EFCAB14: variants seen among roughly 807,000 people sequenced by gnomAD.
The protein encoded by EFCAB14 is EF-hand calcium binding domain 14, also known as EF-hand calcium-binding domain-containing protein 14.
A neutral mutation model predicts 56.5 loss-of-function variants in EFCAB14; 43 were observed. The observed-to-expected ratio is 0.76, with a 90% CI of 0.60 to 0.98. The LOEUF is 0.98. Among genes scored for constraint, EFCAB14 ranks in the 50% least tolerant of loss-of-function variants. The pLI, the probability that EFCAB14 is intolerant of heterozygous loss-of-function variation, is 0.00. For missense variants in EFCAB14, 538 were observed against 580.3 expected, an observed-to-expected ratio of 0.93 and a Z score of 0.75; for synonymous variants, 235 against 212.9, an observed-to-expected ratio of 1.10 and a Z score of -0.90.
intron 5 of EFCAB14, among the ~76,000 whole-genome samples, chr1:46,689,941 A>G (rs577859922): frequency 2.6e-5 from 4 of 152,256 alleles, no homozygotes; most frequent in Admixed American, 6.5e-5. Context: ...CTATTTCTCA[A>G]TCTCTTAAAG....
Position 46,687,584 on chromosome 1 carries a change from A to T in EFCAB14, c.988-714T>A, listed in dbSNP as rs184240347. Among the ~76,000 whole-genome samples the T allele has an allele frequency of 2.1e-3, 318 of 152,212 alleles. 2 individuals are homozygous for T. Among genetic ancestry groups the T allele is most frequent in the Non-Finnish European group, 2.1e-4 (14 of 68,018 alleles). On this transcript the variant is annotated intron_variant, in intron 7 of 10. Transcript: ENST00000371933. ...TGGTGGTTACTTGAATTTATGGCAC[A>T]ATTTCCTGTATTTGGTTTCTATTTT...
intron 10 of EFCAB14, 118 bp from the exon 11 acceptor site, chr1:46,678,754 C>T: frequency 2.2e-6 from 2 of 918,904 alleles, no homozygotes; most frequent in Admixed American, 3.6e-5. Context: ...AATTTTGTTT[C>T]CAAATGGTAA....
intron 3 of EFCAB14, among the ~76,000 whole-genome samples, chr1:46,706,507 T>C (rs1677235692): frequency 2.0e-5 from 3 of 152,218 alleles, no homozygotes; most frequent in South Asian, 4.1e-4. Flanking sequence ...TGCCTTTTCA[T>C]GCTGAACGGT....
Position 46,718,293 on chromosome 1 carries a change from T to TG in EFCAB14, c.-207dup. ...CAGAGGAAACTGGAACTCAGATGGG[T>TG]GGGGGAAATCACATAGAAATGGCCA... On this transcript the variant is annotated 5_prime_UTR_variant, in exon 1 of 11. Transcript: ENST00000371933. The TG allele has an allele frequency of 3.8e-6, 2 of 527,672 alleles. No homozygotes were observed. Among genetic ancestry groups the TG allele is most frequent in the South Asian group, 5.4e-5 (2 of 36,944 alleles). The allele number at this position is 527,672 out of a possible 1,614,324, so 32.7% of individuals were successfully genotyped here.
chr1:46,717,980 AG>A lies in EFCAB14; in HGVS notation c.107del (p.Pro36LeufsTer112). Reference protein sequence around the residue: ...PSSHRLLRTEPPDSDSESSSE... With the variant: ...PSSHRLLRTEXPDSDSESSSE... The stretch of plus-strand genomic sequence containing the variant: ...AGCTGGACTCAGAGTCTGAGTCGGG[AG>A]GCTCAGTGCGAAGCAGGCGGTGACT... On this transcript the variant is annotated frameshift_variant, in exon 1 of 11. Coordinates refer to ENST00000371933, the MANE Select transcript of EFCAB14 (RefSeq NM_014774.3). LOFTEE classifies it high-confidence loss of function. 1 of 1,614,138 alleles carries A rather than the reference AG, an allele frequency of 6.2e-7. No homozygotes were observed. Among genetic ancestry groups the A allele is most frequent in the Non-Finnish European group, 8.5e-7 (1 of 1,180,014 alleles).
intron 2 of EFCAB14, among the ~76,000 whole-genome samples, chr1:46,715,711 C>G (rs562196218): frequency 6.6e-6 from 1 of 151,998 alleles, no homozygotes; most frequent in Non-Finnish European, 1.5e-5. Context: ...CTTTTGCACG[C>G]TAAGCATTGA....
intron 10 of EFCAB14, among the ~76,000 whole-genome samples, chr1:46,680,134 C>T (rs1372312742): frequency 6.6e-6 from 1 of 152,144 alleles, no homozygotes; most frequent in Non-Finnish European, 1.5e-5. Flanking sequence ...CATGGTACAG[C>T]CACTCTGGAA....
At chr1:46,715,712 T>C (rs576255499) in intron 2 of EFCAB14, among the ~76,000 whole-genome samples, 23 of 152,188 alleles carry the variant, frequency 1.5e-4, no homozygotes, top group Admixed American at 3.9e-4. Context: ...TTTTGCACGC[T>C]AAGCATTGAC....
intron 7 of EFCAB14, 95 bp from the exon 8 acceptor site, chr1:46,686,965 C>T: frequency 1.7e-6 from 2 of 1,163,376 alleles, no homozygotes; most frequent in Non-Finnish European, 2.5e-6. Flanking sequence ...ATTCGTCAAA[C>T]TTATTTAAAG....
rs553155301 is a variant in EFCAB14, at chr1:46,710,054, C to T, written c.335-2003G>A. The stretch of plus-strand genomic sequence containing the variant: ...CAAACACATTTAACAAGATCCCCCA[C>T]AAAATGAGGAGTGATGGTGGTATCC... On this transcript the variant is annotated intron_variant, in intron 2 of 10. Transcript: ENST00000371933. Among the ~76,000 whole-genome samples, 10 of 152,226 alleles carry T rather than the reference C, an allele frequency of 6.6e-5. No individual in the cohort carries two copies. The South Asian group carries it at 1.9e-3, about 28-fold the overall frequency.
chr1:46,716,550 AC>A, intron 1 of EFCAB14, 107 bp from the exon 2 acceptor site: 1 of 1,285,952 alleles, frequency 7.8e-7, no homozygotes, highest in Non-Finnish European at 1.1e-6. Flanking sequence ...TAAATGAATA[AC>A]CAGTGAATTA....
intron 2 of EFCAB14, among the ~76,000 whole-genome samples, chr1:46,708,921 G>C (rs2148849787): frequency 6.7e-6 from 1 of 149,222 alleles, no homozygotes; most frequent in South Asian, 2.1e-4. Context: ...ATAATGGCTG[G>C]TCCTCCAGAA....
intron 2 of EFCAB14, among the ~76,000 whole-genome samples, chr1:46,710,254 C>A (rs1677290223): frequency 6.6e-6 from 1 of 152,170 alleles, no homozygotes; most frequent in African/African-American, 2.4e-5. Flanking sequence ...ACAGGGTACA[C>A]AGCAATGTTT....
chr1:46,696,030 G>A (rs536882474), intron 4 of EFCAB14, among the ~76,000 whole-genome samples: 1 of 151,476 alleles, frequency 6.6e-6, no homozygotes, highest in Non-Finnish European at 1.5e-5. Flanking sequence ...AGGAGTGTTT[G>A]AAAATTTCCT....
intron 9 of EFCAB14, 188 bp downstream of exon 9, chr1:46,684,303 A>G (rs1557440026): frequency 3.5e-6 from 2 of 565,482 alleles, no homozygotes; most frequent in East Asian, 2.9e-5. Context: ...TTAATAGACT[A>G]GAGTACAAAT....
intron 3 of EFCAB14, among the ~76,000 whole-genome samples, chr1:46,703,768 C>T (rs1458396064): frequency 6.6e-6 from 1 of 152,168 alleles, no homozygotes; most frequent in African/African-American, 2.4e-5. Context: ...AGCATGTCAC[C>T]TTGTTCAAAC....
chr1:46,678,971 C>T (rs1676742747), intron 10 of EFCAB14, among the ~76,000 whole-genome samples: 1 of 152,170 alleles, frequency 6.6e-6, no homozygotes, highest in South Asian at 2.1e-4. Flanking sequence ...GAAGCAGTGA[C>T]AGATAATCGC....
chr1:46,680,539 T>C (rs957770152), intron 10 of EFCAB14, among the ~76,000 whole-genome samples: 3 of 152,092 alleles, frequency 2.0e-5, no homozygotes, highest in Non-Finnish European at 4.4e-5. Flanking sequence ...ATAGAGATAG[T>C]GATTAAGAGA....
intron 10 of EFCAB14, among the ~76,000 whole-genome samples, chr1:46,680,988 TGA>T (rs1292322165): frequency 6.6e-6 from 1 of 150,792 alleles, no homozygotes; most frequent in Non-Finnish European, 1.5e-5. Flanking sequence ...TTTTTTTTTT[TGA>T]GACAGGGTCT....
Sources: gnomAD v4.1 joint callset for allele counts (sites outside exome capture counted in the v4.1 genomes callset) on GRCh38, gnomAD v4.1.1 for gene constraint, MANE v1.5 for transcripts, NCBI Gene and HGNC (gene_info 2026-07-23, HGNC 2026-07-21) for gene names.